ITGB1: variants seen among roughly 807,000 people sequenced by gnomAD.
ITGB1 encodes the protein integrin beta-1.
A neutral mutation model predicts 86.5 loss-of-function variants in ITGB1; 24 were observed. The observed-to-expected ratio is 0.28, with a 90% confidence interval of 0.20 to 0.39. The LOEUF is 0.39. ITGB1 is among the 10% of genes least tolerant of loss of function. The pLI, the probability that ITGB1 is intolerant of heterozygous loss-of-function variation, is 1.00. For synonymous variants in ITGB1, 323 were observed against 316.8 expected (o/e 1.02, Z -0.21); for missense variants, 556 against 946.9 (o/e 0.59, Z 5.42).
chr10:32,926,819 T>A (rs886169192), intron 5 of ITGB1, among the ~76,000 whole-genome samples: 1 of 152,136 alleles, frequency 6.6e-6, no homozygotes, highest in Non-Finnish European at 1.5e-5. Flanking sequence ...TGTGAGTACA[T>A]CGCAAGAAGG....
Position 32,920,278 on chromosome 10 carries a change from T to C in ITGB1, c.1236A>G (p.Gly412=), listed in dbSNP as rs145256478. 324 of 1,613,542 alleles carry C rather than the reference T, an allele frequency of 2.0e-4. 2 individuals are homozygous for C. The highest frequency in any genetic ancestry group is 3.7e-5 in the Non-Finnish European group (44 of 1,179,704). The change falls in exon 10 of 16, where the codon GGA becomes GGG. Residue 412 remains glycine, a synonymous_variant. Transcript: ENST00000302278. The stretch of plus-strand genomic sequence containing the variant: ...CAATGGAAATATTGGAACATTTTCT[T>C]CCATTTTCCCCTGTTCCATTCACCC... ...KNGVNGTGEN[G]RKCSNISIGD... is the part of the protein sequence containing the mutation.
chr10:32,934,305 AC>A (rs1485219055), intron 2 of ITGB1, among the ~76,000 whole-genome samples: 30 of 152,314 alleles, frequency 2.0e-4, no homozygotes, highest in African/African-American at 7.0e-4. Flanking sequence ...CCTAAACAAT[AC>A]AGTGTAAAAG....
chr10:32,948,821 T>C (rs1335130646), intron 1 of ITGB1, among the ~76,000 whole-genome samples: 1 of 152,032 alleles, frequency 6.6e-6, no homozygotes, highest in Non-Finnish European at 1.5e-5. Flanking sequence ...TGGCATTCTG[T>C]TATAGCAGCA....
At chr10:32,912,233 AC>A (rs1209238908) in intron 11 of ITGB1, 109 bp from the exon 12 acceptor site, 2 of 823,536 alleles carry the variant, frequency 2.4e-6, no homozygotes, top group African/African-American at 3.5e-5. Context: ...CGTGAGCGAC[AC>A]AGAAGACAGG....
chr10:32,932,654 T>A, intron 2 of ITGB1, 54 bp from the exon 3 acceptor site: 1 of 1,015,608 alleles, frequency 9.8e-7, no homozygotes, highest in African/African-American at 1.6e-5. Context: ...AGAGAGAAAA[T>A]AATGAAAAAT....
intron 1 of ITGB1, chr10:32,957,906 G>C (rs996914521): frequency 6.6e-6 from 1 of 151,978 alleles, no homozygotes; most frequent in African/African-American, 2.4e-5. Context: ...GCGCCCGGGG[G>C]CTGCCAGCGC....
At chr10:32,940,767 T>C (rs922128533) in intron 1 of ITGB1, among the ~76,000 whole-genome samples, 3 of 152,254 alleles carry the variant, frequency 2.0e-5, no homozygotes, top group African/African-American at 7.2e-5. Context: ...CTCACTACAA[T>C]ATGCACTTGA....
At chr10:32,926,405 C>T (rs966744405) in intron 5 of ITGB1, among the ~76,000 whole-genome samples, 2 of 152,116 alleles carry the variant, frequency 1.3e-5, no homozygotes, top group Non-Finnish European at 2.9e-5. Context: ...AATGTGATCC[C>T]CAATGTTGAA....
At chr10:32,914,882 G>A (rs189136287) in intron 11 of ITGB1, among the ~76,000 whole-genome samples, 21 of 152,078 alleles carry the variant, frequency 1.4e-4, no homozygotes, top group Non-Finnish European at 2.4e-4. Context: ...GCCCCACACC[G>A]CACTTATTGC....
chr10:32,914,030 G>T (rs1052374481), intron 11 of ITGB1, among the ~76,000 whole-genome samples: 2 of 152,178 alleles, frequency 1.3e-5, no homozygotes, highest in African/African-American at 4.8e-5. Flanking sequence ...TTAAAGAAAA[G>T]AATTTTCAAC....
rs143273400 is a variant in ITGB1 at position 32,913,573 on chromosome 10, T to C, written c.1470-1449A>G. On this transcript the variant is annotated intron_variant, in intron 11 of 15. Transcript: ENST00000302278. ...CCAGTGGAAGAAAGGATATCAGTGA[T>C]TGAAGATCAAATGAATGAAATGAAG... Among the ~76,000 whole-genome samples, 1,105 of 152,096 alleles carry C rather than the reference T, an allele frequency of 7.3e-3. 13 individuals carry two copies. The highest frequency in any genetic ancestry group is 0.025 in the African/African-American group (1,055 of 41,484).
intron 11 of ITGB1, among the ~76,000 whole-genome samples, 179 bp from the exon 12 acceptor site, chr10:32,912,303 T>C (rs1419857569): frequency 6.6e-6 from 1 of 152,174 alleles, no homozygotes; most frequent in East Asian, 1.9e-4. Flanking sequence ...TGCTGGACAG[T>C]AGGTGCAGCC....
At chr10:32,945,058 A>T in intron 1 of ITGB1, 1 of 522,332 alleles carries the variant, frequency 1.9e-6, no homozygotes. Flanking sequence ...CTTGAATTTA[A>T]AAACTGCTTT....
chr10:32,926,385 C>G (rs2094964623), intron 5 of ITGB1, among the ~76,000 whole-genome samples: 2 of 152,172 alleles, frequency 1.3e-5, no homozygotes, highest in Non-Finnish European at 2.9e-5. Flanking sequence ...CCGCCCAAGT[C>G]TCATGTTAAA....
At chr10:32,912,984 G>A (rs1221965041) in intron 11 of ITGB1, among the ~76,000 whole-genome samples, 2 of 152,192 alleles carry the variant, frequency 1.3e-5, no homozygotes, top group Non-Finnish European at 2.9e-5. Flanking sequence ...GGATCAGGCA[G>A]CAACATTTGC....
chr10:32,914,557 A>G (rs1374678335), intron 11 of ITGB1, among the ~76,000 whole-genome samples: 1 of 152,208 alleles, frequency 6.6e-6, no homozygotes, highest in African/African-American at 2.4e-5. Context: ...AAAGATCAAA[A>G]GGGACAAAGA....
At chr10:32,934,376 G>C (rs2094994069) in intron 2 of ITGB1, among the ~76,000 whole-genome samples, 1 of 152,148 alleles carries the variant, frequency 6.6e-6, no homozygotes, top group Non-Finnish European at 1.5e-5. Flanking sequence ...AAGATTTAAA[G>C]TATACAGGAG....
At chr10:32,937,549 C>G (rs1280612590) in intron 1 of ITGB1, among the ~76,000 whole-genome samples, 1 of 77,012 alleles carries the variant, frequency 1.3e-5, no homozygotes, top group African/African-American at 4.5e-5. Flanking sequence ...AGCGAGACTC[C>G]GTCTCAAAAA....
At chr10:32,915,409 A>G (rs2137182803) in intron 11 of ITGB1, among the ~76,000 whole-genome samples, 1 of 152,368 alleles carries the variant, frequency 6.6e-6, no homozygotes, top group Non-Finnish European at 1.5e-5. Flanking sequence ...CAAAATTGAC[A>G]GACCGCTAGC....
Sources: allele counts gnomAD v4.1 joint callset (sites outside exome capture counted in the v4.1 genomes callset), GRCh38; gene constraint gnomAD v4.1.1; transcripts MANE v1.5; gene names NCBI Gene and HGNC (gene_info 2026-07-23, HGNC 2026-07-21).